Variants in KPNA3 observed in about 807,000 individuals in gnomAD.
KPNA3 encodes the protein importin subunit alpha-4.
A neutral mutation model predicts 73.8 loss-of-function variants in KPNA3; 13 were observed. The ratio of observed to expected loss-of-function variants is 0.18; its 90% CI spans 0.11 to 0.28. The LOEUF is 0.28. Among genes scored for constraint, KPNA3 ranks in the 10% least tolerant of loss-of-function variants. The pLI, the probability that KPNA3 is intolerant of heterozygous loss-of-function variation, is 1.00. For missense variants in KPNA3, 360 were observed against 618.1 expected (o/e 0.58, Z 4.43); for synonymous variants, 186 against 206.9 (o/e 0.90, Z 0.87).
chr13:49,720,514 T>G (rs1045434632), intron 9 of KPNA3, among the ~76,000 whole-genome samples: 9 of 152,080 alleles, frequency 5.9e-5, no homozygotes, highest in African/African-American at 2.2e-4. Flanking sequence ...CCCACCACTT[T>G]GGGAGGGTGA....
intron 2 of KPNA3, among the ~76,000 whole-genome samples, chr13:49,741,522 C>T (rs1302250212): frequency 1.3e-5 from 2 of 149,720 alleles, no homozygotes; most frequent in African/African-American, 4.9e-5. Context: ...GGCGTGATCT[C>T]GGCTCACTGC....
chr13:49,784,334 G>A (rs1175205718), intron 1 of KPNA3, among the ~76,000 whole-genome samples: 1 of 152,122 alleles, frequency 6.6e-6, no homozygotes, highest in Non-Finnish European at 1.5e-5. Context: ...GAAGGAAACA[G>A]ACAAACCCAG....
chr13:49,790,551 G>C (rs1594468253), intron 1 of KPNA3, among the ~76,000 whole-genome samples: 1 of 152,224 alleles, frequency 6.6e-6, no homozygotes, highest in African/African-American at 2.4e-5. Flanking sequence ...CATGAAGCTC[G>C]TAACAGTGTC....
intron 6 of KPNA3, among the ~76,000 whole-genome samples, chr13:49,729,512 C>T (rs922075096): frequency 2.0e-5 from 3 of 152,146 alleles, no homozygotes; most frequent in Non-Finnish European, 4.4e-5. Context: ...TGGCCGAGTG[C>T]GGTGGCTCAC....
At chr13:49,760,742 G>A (rs1594453946) in intron 1 of KPNA3, among the ~76,000 whole-genome samples, 1 of 152,166 alleles carries the variant, frequency 6.6e-6, no homozygotes, top group Non-Finnish European at 1.5e-5. Flanking sequence ...GAATGACTGG[G>A]CTGTCCCAGT....
At chr13:49,752,713 T>C (rs956094901) in intron 1 of KPNA3, among the ~76,000 whole-genome samples, 1 of 151,776 alleles carries the variant, frequency 6.6e-6, no homozygotes, top group East Asian at 1.9e-4. Context: ...AGAAAAAAAC[T>C]GTAATCAGAA....
intron 10 of KPNA3, among the ~76,000 whole-genome samples, chr13:49,714,086 A>G (rs993091686): frequency 6.6e-5 from 10 of 152,264 alleles, no homozygotes; most frequent in Admixed American, 1.3e-4. Flanking sequence ...CAGTGATTAA[A>G]GGAAAATTCA....
At chr13:49,734,458 A>C (rs1182916935) in intron 2 of KPNA3, among the ~76,000 whole-genome samples, 41 of 152,246 alleles carry the variant, frequency 2.7e-4, no homozygotes, top group Admixed American at 2.7e-3. Context: ...AGTGTACGCC[A>C]AAGTAGTCAT....
In KPNA3 at chr13:49,702,431, A is replaced by G; in HGVS notation, c.1422T>C (p.Tyr474=). The change falls in exon 16 of 17, where the codon TAT becomes TAC. Residue 474 remains tyrosine, a synonymous_variant. Transcript: ENST00000261667. ...VLQQHENEDI[Y]KLAFEIIDQY... Reference sequence around the variant, plus strand: ...GATCTATGATTTCAAATGCTAATTTATATATGTCTTCATTTTCATGTTGCT... The same window carrying G: ...GATCTATGATTTCAAATGCTAATTTGTATATGTCTTCATTTTCATGTTGCT... The G allele has an allele frequency of 1.3e-6, 2 of 1,555,902 alleles. No homozygotes were observed. The highest frequency in any genetic ancestry group is 1.8e-6 in the Non-Finnish European group (2 of 1,133,814).
intron 1 of KPNA3, among the ~76,000 whole-genome samples, chr13:49,781,267 T>A (rs1404192379): frequency 6.6e-6 from 1 of 152,142 alleles, no homozygotes; most frequent in Non-Finnish European, 1.5e-5. Flanking sequence ...TGCCTACTAG[T>A]CTATACATTC....
chr13:49,792,547 G>GGCT lies in KPNA3; in HGVS notation c.-42_-41insAGC, dbSNP rs766861560. 3 of 1,226,566 alleles carry GGCT rather than the reference G, an allele frequency of 2.4e-6. No homozygotes were observed. The highest frequency in any genetic ancestry group is 2.1e-5 in the Admixed American group (1 of 48,314). The allele number at this position is 1,226,566 out of a possible 1,614,324, so 76.0% of individuals were successfully genotyped here. A position where few individuals can be genotyped will look rare whatever the true frequency, so the allele number is the denominator to read the frequency against. On this transcript the variant is annotated 5_prime_UTR_variant, in exon 1 of 17. Coordinates refer to ENST00000261667, the MANE Select transcript of KPNA3 (RefSeq NM_002267.4). ...CGGCGGCGGCTACTCCTGCGGCTGCGGCGGCGGCGGCGGCGAATCTTGGAG... is the reference window on the plus strand; with the variant it reads ...CGGCGGCGGCTACTCCTGCGGCTGCGGCTGCGGCGGCGGCGGCGAATCTTGGAG...
intron 1 of KPNA3, among the ~76,000 whole-genome samples, chr13:49,771,132 AAAAG>A (rs1472464604): frequency 6.6e-6 from 1 of 151,476 alleles, no homozygotes; most frequent in Non-Finnish European, 1.5e-5. Flanking sequence ...AAAAAAAAAA[AAAAG>A]AAGAGGAAGA....
chr13:49,719,659 T>C (rs1168147374), intron 10 of KPNA3, 116 bp downstream of exon 10: 1 of 754,838 alleles, frequency 1.3e-6, no homozygotes, highest in East Asian at 2.7e-5. Context: ...TTCTGAAAAC[T>C]GTAAATACGT....
chr13:49,701,709 G>C lies in KPNA3; in HGVS notation c.*91C>G. 1 of 842,768 alleles carries C rather than the reference G, an allele frequency of 1.2e-6. No homozygotes were observed. 52.2% of individuals were successfully genotyped at this position (842,768 alleles called of 1,614,324 possible). The stretch of plus-strand genomic sequence containing the variant: ...CAAAACAAAGAGGCATGTGTGTTTT[G>C]GAGCCTTTTGTTGCTGTTGTTCTTA... On this transcript the variant is annotated 3_prime_UTR_variant, in exon 17 of 17. Transcript: ENST00000261667.
chr13:49,774,483 G>A (rs1954880590), intron 1 of KPNA3, among the ~76,000 whole-genome samples: 1 of 152,052 alleles, frequency 6.6e-6, no homozygotes, highest in South Asian at 2.1e-4. Context: ...CTGCCTTTTA[G>A]ACAAGAGAGC....
intron 7 of KPNA3, among the ~76,000 whole-genome samples, chr13:49,723,047 CTT>C (rs1285368206): frequency 3.4e-5 from 5 of 148,608 alleles, no homozygotes; most frequent in Middle Eastern, 3.2e-3. Context: ...AGCTAGATCA[CTT>C]TTTAAAAATT....
chr13:49,765,048 T>C (rs1954798115), intron 1 of KPNA3, among the ~76,000 whole-genome samples: 1 of 151,166 alleles, frequency 6.6e-6, no homozygotes, highest in Admixed American at 6.6e-5. Context: ...TCTTCCTCCT[T>C]CATCCATCCA....
At chr13:49,754,339 T>C (rs770873475) in intron 1 of KPNA3, among the ~76,000 whole-genome samples, 1 of 152,018 alleles carries the variant, frequency 6.6e-6, no homozygotes, top group Non-Finnish European at 1.5e-5. Flanking sequence ...AGTGTATTGA[T>C]TGCCTTATTA....
chr13:49,719,105 T>C (rs1954331797), intron 10 of KPNA3, among the ~76,000 whole-genome samples: 1 of 152,174 alleles, frequency 6.6e-6, no homozygotes, highest in Admixed American at 6.5e-5. Flanking sequence ...CCTTACTGCA[T>C]TTAGGAGAAT....
Sources: allele counts gnomAD v4.1 joint callset (sites outside exome capture counted in the v4.1 genomes callset), GRCh38; gene constraint gnomAD v4.1.1; transcripts MANE v1.5; gene names NCBI Gene and HGNC (gene_info 2026-07-23, HGNC 2026-07-21).